RIN3: variants seen among roughly 807,000 people sequenced by gnomAD.
RIN3 encodes the protein RAB5 interacting protein 3.
RIN3 carries 54 observed loss-of-function variants against 76.3 expected under a neutral mutation model. The ratio of observed to expected loss-of-function variants is 0.71; its 90% CI spans 0.57 to 0.89. The LOEUF is 0.89. RIN3 is among the 40% of genes least tolerant of loss of function. The probability of loss-of-function intolerance (pLI) is 0.00; values close to 1 mark genes in which losing one functional copy is unlikely to be tolerated. For synonymous variants in RIN3, 576 were observed against 564.0 expected (o/e 1.02, Z -0.30); for missense variants, 1,256 against 1,322.1 (o/e 0.95, Z 0.78).
At chr14:92,520,027 A>G (rs997630698) in intron 1 of RIN3, among the ~76,000 whole-genome samples, 6 of 152,176 alleles carry the variant, frequency 3.9e-5, no homozygotes, top group Non-Finnish European at 8.8e-5. Context: ...ACTGCCCCCA[A>G]AGCAGAAACA....
rs1283993991 is a variant in RIN3, at chr14:92,681,080, C to G, written c.2468-3907C>G. Among the ~76,000 whole-genome samples, 1 of 152,238 alleles carries G rather than the reference C, an allele frequency of 6.6e-6. No individual in the cohort carries two copies. The highest frequency in any genetic ancestry group is 6.5e-5 in the Admixed American group (1 of 15,290). On this transcript the variant is annotated intron_variant, in intron 8 of 9. Transcript: ENST00000216487. The surrounding 1 kb of genome is among the most constrained non-coding windows in gnomAD (Gnocchi z 4.7). ...CTGCTAAAATCCTGGCTAGGCTGGT[C>G]CCAAAAGTGCCCTCTTGGACCCCTT...
intron 1 of RIN3, among the ~76,000 whole-genome samples, chr14:92,525,773 C>T (rs1428361259): frequency 6.6e-6 from 1 of 152,194 alleles, no homozygotes; most frequent in African/African-American, 2.4e-5. Flanking sequence ...GCCTGCATGG[C>T]ACTGCACCAG....
rs112250035 is a variant in RIN3, at chr14:92,651,741, G to A, written c.692G>A (p.Arg231His). The change falls in exon 6 of 10, where the codon CGC becomes CAC. Residue 231 changes from arginine to histidine, a missense_variant. By Grantham distance (29) the Arg-to-His change is conservative. Coordinates refer to ENST00000216487, the MANE Select transcript of RIN3 (RefSeq NM_024832.5). The part of the protein sequence containing the change: ...CEIELSVGND[R>H]LWFVNPIFIE... ...ATCGAGCTGTCGGTAGGAAATGACCGCCTGTGGTTTGTGAATCCTATTTTC... is the reference window on the plus strand; with the variant it reads ...ATCGAGCTGTCGGTAGGAAATGACCACCTGTGGTTTGTGAATCCTATTTTC... The A allele has an allele frequency of 1.5e-5, 25 of 1,613,958 alleles. No homozygotes were observed. Among genetic ancestry groups the A allele is most frequent in the Admixed American group, 5.0e-5 (3 of 59,994 alleles).
intron 3 of RIN3, among the ~76,000 whole-genome samples, chr14:92,593,953 C>T (rs1010852911): frequency 3.3e-5 from 5 of 152,224 alleles, no homozygotes; most frequent in South Asian, 4.1e-4. Context: ...GCAGATATAG[C>T]GGGTGGAAAA....
intron 2 of RIN3, among the ~76,000 whole-genome samples, chr14:92,556,336 G>A (rs1486412550): frequency 6.8e-6 from 1 of 148,112 alleles, no homozygotes; most frequent in East Asian, 2.0e-4. Flanking sequence ...TCAGAGCCAG[G>A]GTAAAAAAAA....
chr14:92,557,567 C>G (rs1897629197), intron 2 of RIN3, among the ~76,000 whole-genome samples: 1 of 152,242 alleles, frequency 6.6e-6, no homozygotes, highest in African/African-American at 2.4e-5. Flanking sequence ...CCAGTTGTAC[C>G]TGAAAATCGG....
intron 7 of RIN3, among the ~76,000 whole-genome samples, chr14:92,672,818 C>CCCCATT (rs1249510594): frequency 6.6e-6 from 1 of 152,178 alleles, no homozygotes; most frequent in Non-Finnish European, 1.5e-5. Flanking sequence ...AGCAATCACT[C>CCCCATT]CCCATTCTCT....
At chr14:92,646,526 C>A (rs1361987922) in intron 5 of RIN3, among the ~76,000 whole-genome samples, 1 of 152,176 alleles carries the variant, frequency 6.6e-6, no homozygotes, top group South Asian at 2.1e-4. Flanking sequence ...CCTCTGCCTC[C>A]CAGGTTTAAG....
intron 3 of RIN3, among the ~76,000 whole-genome samples, chr14:92,581,717 T>C (rs1338682657): frequency 3.9e-5 from 6 of 152,168 alleles, no homozygotes. Flanking sequence ...TCATTTTCCA[T>C]TAGGCACCAA....
intron 7 of RIN3, among the ~76,000 whole-genome samples, chr14:92,661,029 G>A (rs1020584333): frequency 6.6e-6 from 1 of 152,138 alleles, no homozygotes; most frequent in Non-Finnish European, 1.5e-5. Flanking sequence ...ATTTAACCTT[G>A]AATGATTTAC....
chr14:92,591,911 T>C (rs1467284294), intron 3 of RIN3, among the ~76,000 whole-genome samples: 1 of 152,166 alleles, frequency 6.6e-6, no homozygotes, highest in Non-Finnish European at 1.5e-5. Context: ...AGAGAAGGAA[T>C]AAGTGAAGGC....
rs756074134 is a variant in RIN3 at position 92,652,611 on chromosome 14, C to G, written c.1562C>G (p.Ser521Cys). 7 of 1,611,158 alleles carry G rather than the reference C, an allele frequency of 4.3e-6. No individual in the cohort carries two copies. In the South Asian group the frequency reaches 7.7e-5, roughly 18 times the overall value. ...QHPPAQATAHSQSSPEFKGSL... is the reference protein window; with the variant it reads ...QHPPAQATAHCQSSPEFKGSL... ...CCTCCTGCCCAGGCCACTGCCCATT[C>G]CCAGAGCTCTCCAGAGTTCAAGGGC... Residue 521 changes from serine (S) to cysteine (C), a missense_variant, in exon 6 of 10, where the codon TCC becomes TGC. Ser to Cys is a moderately radical substitution (Grantham distance 112). Transcript: ENST00000216487. The surrounding 1 kb of genome is among the most constrained non-coding windows in gnomAD (Gnocchi z 6.4).
chr14:92,533,455 C>A (rs1011095711), intron 1 of RIN3, among the ~76,000 whole-genome samples: 2 of 152,148 alleles, frequency 1.3e-5, no homozygotes, highest in Non-Finnish European at 2.9e-5. Context: ...AAATATGGAA[C>A]CAGCCCAAAT....
intron 1 of RIN3, among the ~76,000 whole-genome samples, chr14:92,545,791 A>G (rs1309659968): frequency 2.0e-5 from 3 of 151,886 alleles, no homozygotes; most frequent in African/African-American, 7.3e-5. Flanking sequence ...CAGACATTTT[A>G]TCTCTTTACC....
At chr14:92,674,204 T>G (rs967908365) in intron 7 of RIN3, among the ~76,000 whole-genome samples, 2 of 152,056 alleles carry the variant, frequency 1.3e-5, no homozygotes, top group Non-Finnish European at 1.5e-5. Context: ...CCACAGCTGG[T>G]GAGTAGTAGA....
chr14:92,670,783 A>C (rs1888262499), intron 7 of RIN3, among the ~76,000 whole-genome samples: 3 of 152,130 alleles, frequency 2.0e-5, no homozygotes, highest in African/African-American at 7.2e-5. Context: ...GTCAGCTCGC[A>C]CCAGCTCGTG....
At chr14:92,609,471 T>C (rs1327838177) in intron 3 of RIN3, among the ~76,000 whole-genome samples, 1 of 152,226 alleles carries the variant, frequency 6.6e-6, no homozygotes, top group Non-Finnish European at 1.5e-5. Context: ...CTGAGGCTTT[T>C]GCTGAGGGAT....
chr14:92,556,825 C>G (rs1004996343), intron 2 of RIN3, among the ~76,000 whole-genome samples: 9 of 152,198 alleles, frequency 5.9e-5, no homozygotes, highest in African/African-American at 1.9e-4. Context: ...AAGATCTTTT[C>G]CACCTACTGT....
At chr14:92,520,996 G>A (rs1425565167) in intron 1 of RIN3, among the ~76,000 whole-genome samples, 1 of 152,110 alleles carries the variant, frequency 6.6e-6, no homozygotes, top group East Asian at 1.9e-4. Flanking sequence ...TTTTGACGGA[G>A]CATCCATCTA....
Sources: gnomAD v4.1 joint callset for allele counts (sites outside exome capture counted in the v4.1 genomes callset) on GRCh38, gnomAD v4.1.1 for gene constraint, Gnocchi (gnomAD v3.1) non-coding constraint, MANE v1.5 for transcripts, NCBI Gene and HGNC (gene_info 2026-07-23, HGNC 2026-07-21) for gene names.